DPEP1: variants seen among roughly 807,000 people sequenced by gnomAD.
DPEP1 encodes the protein beta-lactamase.
Under a neutral mutation model 42.3 loss-of-function variants are expected in DPEP1, and 50 were observed. The observed-to-expected ratio is 1.18, with a 90% CI of 0.94 to 1.50. The LOEUF (loss-of-function observed/expected upper bound fraction) is 1.50, where lower values mean the gene tolerates loss of function less well. Ranked by LOEUF, DPEP1 falls within the 40% of genes most tolerant of loss-of-function variation. DPEP1 has a pLI of 0.00. For synonymous variants in DPEP1, 297 were observed against 234.0 expected, an observed-to-expected ratio of 1.27 and a Z score of -2.46; for missense variants, 663 against 553.0, an observed-to-expected ratio of 1.20 and a Z score of -1.99.
Position 89,637,226 on chromosome 16 carries a change from G to GTC in DPEP1, c.616_617dup (p.Gly207TrpfsTer15), listed in dbSNP as rs1284967802. On this transcript the variant is annotated frameshift_variant, in exon 7 of 11. Coordinates refer to ENST00000690203, the MANE Select transcript of DPEP1 (RefSeq NM_001389466.1). LOFTEE classifies it high-confidence loss of function. ...CAGCGTGTGGTGAAGGAGCTGAACCGTCTGGGGGTCCTCATCGACTTGGCT... is the reference window on the plus strand; with the variant it reads ...CAGCGTGTGGTGAAGGAGCTGAACCGTCTCTGGGGGTCCTCATCGACTTGGCT... 6.2e-7 allele frequency: 1 copy of GTC among 1,612,654 alleles called. No individual in the cohort carries two copies. The highest frequency in any genetic ancestry group is 8.5e-7 in the Non-Finnish European group (1 of 1,179,906).
At chr16:89,622,783 CAA>C (rs60838469) in intron 1 of DPEP1, among the ~76,000 whole-genome samples, 3 of 118,404 alleles carry the variant, frequency 2.5e-5, no homozygotes, top group East Asian at 2.2e-4. Context: ...GACTCTGTCT[CAA>C]AAAAAAAAAA....
chr16:89,638,544 A>G (rs2059713854), downstream of DPEP1: 1 of 1,127,286 alleles, frequency 8.9e-7, no homozygotes, highest in Non-Finnish European at 1.1e-6. Context: ...TCTTCGGTCC[A>G]GGCCAGAAGG....
intron 1 of DPEP1, among the ~76,000 whole-genome samples, chr16:89,628,071 C>T (rs1247470437): frequency 1.3e-5 from 2 of 151,696 alleles, no homozygotes; most frequent in Admixed American, 6.6e-5. Flanking sequence ...TCCAGGCACC[C>T]GCCACCATGC....
chr16:89,632,601 G>T (rs375691028), intron 2 of DPEP1, among the ~76,000 whole-genome samples: 18 of 152,298 alleles, frequency 1.2e-4, no homozygotes, highest in Non-Finnish European at 2.4e-4. Flanking sequence ...GGAGCAGGAC[G>T]CCGGCTTCCA....
At chr16:89,616,795 C>G in intron 1 of DPEP1, 1 of 267,474 alleles carries the variant, frequency 3.7e-6, no homozygotes, top group African/African-American at 2.3e-5. Flanking sequence ...AGGAAGTGGG[C>G]AGGAAGCAGG....
Position 89,630,387 on chromosome 16 carries a change from A to T in DPEP1, c.-24A>T. 6.3e-7 allele frequency: 1 copy of T among 1,599,834 alleles called. No homozygotes were observed. Among genetic ancestry groups the T allele is most frequent in the Non-Finnish European group, 8.5e-7 (1 of 1,170,120 alleles). ...CACAGAGGCACCAGGGCAGCAGTGC[A>T]CACAGGTCCCCGGGGACCCCACCAT... On this transcript the variant is annotated 5_prime_UTR_variant, in exon 2 of 11. Transcript: ENST00000690203.
chr16:89,627,969 C>T (rs1211568709), intron 1 of DPEP1, among the ~76,000 whole-genome samples: 8 of 152,150 alleles, frequency 5.3e-5, no homozygotes, highest in African/African-American at 1.9e-4. Context: ...TTCGCCCAGG[C>T]GGGAGTGCAG....
intron 1 of DPEP1, among the ~76,000 whole-genome samples, chr16:89,614,328 C>A (rs1225832367): frequency 6.6e-6 from 1 of 152,176 alleles, no homozygotes; most frequent in African/African-American, 2.4e-5. Flanking sequence ...AGCTCACGTA[C>A]CCCTTCCTCC....
Position 89,637,205 on chromosome 16 carries a change from G to A in DPEP1, c.593G>A (p.Arg198His), listed in dbSNP as rs201533815. The change falls in exon 7 of 11, where the codon CGT becomes CAT. Residue 198 changes from arginine (R) to histidine (H), a missense_variant and splice_region_variant. By Grantham distance (29) the Arg-to-His change is conservative (BLOSUM62 0). Coordinates refer to ENST00000690203, the MANE Select transcript of DPEP1 (RefSeq NM_001389466.1). ...QSQGLSPFGQ[R>H]VVKELNRLGV... ...GTGGACGGAGCCCTGTCTTCCCAGC[G>A]TGTGGTGAAGGAGCTGAACCGTCTG... 22 of 1,611,702 alleles carry A rather than the reference G, an allele frequency of 1.4e-5. No individual in the cohort carries two copies. The highest frequency in any genetic ancestry group is 1.7e-4 in the Middle Eastern group (1 of 6,050).
Position 89,630,349 on chromosome 16 carries a change from C to T in DPEP1, c.-62C>T. ...CCTGAAGCTCATCCTTCTGCACGGG[C>T]CAGCCAGGCCAGCACAGAGGCACCA... On this transcript the variant is annotated 5_prime_UTR_variant, in exon 2 of 11. Coordinates refer to ENST00000690203, the MANE Select transcript of DPEP1 (RefSeq NM_001389466.1). 1.4e-6 allele frequency: 2 copies of T among 1,431,150 alleles called. No homozygotes were observed. The highest frequency in any genetic ancestry group is 1.9e-6 in the Non-Finnish European group (2 of 1,029,732). The allele number at this position is 1,431,150 out of a possible 1,614,324, so 88.7% of individuals were successfully genotyped here. A position where few individuals can be genotyped will look rare whatever the true frequency, so the allele number is the denominator to read the frequency against.
intron 1 of DPEP1, among the ~76,000 whole-genome samples, chr16:89,628,083 C>T (rs570885884): frequency 8.6e-5 from 13 of 151,506 alleles, no homozygotes; most frequent in African/African-American, 2.7e-4. Flanking sequence ...CCACCATGCC[C>T]GGCTAATTTT....
intron 1 of DPEP1, among the ~76,000 whole-genome samples, chr16:89,623,906 TGGCTGAGAA>T (rs1455220711): frequency 6.6e-6 from 1 of 152,024 alleles, no homozygotes; most frequent in African/African-American, 2.4e-5. Context: ...CTAAAGCACG[TGGCTGAGAA>T]GTCGTGGCGC....
rs1008879981 is a variant in DPEP1 at position 89,636,976 on chromosome 16, G to A, written c.591+41G>A. 3.1e-6 allele frequency: 5 copies of A among 1,608,516 alleles called. No homozygotes were observed. The African/African-American group carries it at 6.7e-5, about 21-fold the overall frequency. ...GCGGCCAGTCACCCCCGAGGAGAAG[G>A]CAGAGGCCCTGGAGGGTGACCAGAA... On this transcript the variant is annotated intron_variant, in intron 6 of 10. Transcript: ENST00000690203.
intron 1 of DPEP1, among the ~76,000 whole-genome samples, chr16:89,630,004 G>T (rs2059563547): frequency 6.6e-6 from 1 of 152,192 alleles, no homozygotes; most frequent in African/African-American, 2.4e-5. Flanking sequence ...CCTGAGGGAG[G>T]TGGTAGTAAT....
chr16:89,621,820 G>A (rs1005953386), intron 1 of DPEP1, among the ~76,000 whole-genome samples: 3 of 152,214 alleles, frequency 2.0e-5, no homozygotes, highest in East Asian at 1.9e-4. Context: ...GTATCTGACC[G>A]TGTGGGCTTG....
downstream of DPEP1, among the ~76,000 whole-genome samples, chr16:89,639,708 T>C (rs960626761): frequency 1.3e-5 from 2 of 151,768 alleles, no homozygotes; most frequent in Admixed American, 1.3e-4. Context: ...TTTTTTGAGA[T>C]GGAATCTCGC....
intron 4 of DPEP1, 55 bp downstream of exon 4, chr16:89,636,451 C>A (rs1723994973): frequency 1.3e-6 from 2 of 1,596,790 alleles, no homozygotes; most frequent in Non-Finnish European, 1.7e-6. Context: ...CAGCCCTCAT[C>A]CTGAGCAGCA....
downstream of DPEP1, among the ~76,000 whole-genome samples, chr16:89,641,275 T>C (rs2059741048): frequency 6.6e-6 from 1 of 152,070 alleles, no homozygotes; most frequent in South Asian, 2.1e-4. Flanking sequence ...AGCAGAGTCT[T>C]TTCTAACGCG....
Position 89,630,329 on chromosome 16 carries a change from A to T in DPEP1, c.-82A>T, listed in dbSNP as rs1218470611. On this transcript the variant is annotated 5_prime_UTR_variant, in exon 2 of 11. It adds an upstream start codon to the 5' untranslated region. Coordinates refer to ENST00000690203, the MANE Select transcript of DPEP1 (RefSeq NM_001389466.1). ...GGCAGAGTGGCTCCTCACAGCCTGA[A>T]GCTCATCCTTCTGCACGGGCCAGCC... 10 of 1,163,990 alleles carry T rather than the reference A, an allele frequency of 8.6e-6. No homozygotes were observed. The African/African-American group carries it at 1.6e-4, about 18-fold the overall frequency. 72.1% of individuals were successfully genotyped at this position (1,163,990 alleles called of 1,614,324 possible). A position where few individuals can be genotyped will look rare whatever the true frequency, so the allele number is the denominator to read the frequency against.
Sources: allele counts gnomAD v4.1 joint callset (sites outside exome capture counted in the v4.1 genomes callset), GRCh38; gene constraint gnomAD v4.1.1; transcripts MANE v1.5; gene names NCBI Gene and HGNC (gene_info 2026-07-23, HGNC 2026-07-21).